NPR3: variants seen among roughly 807,000 people sequenced by gnomAD.
The protein encoded by NPR3 is natriuretic peptide receptor 3, also known as atrial natriuretic peptide receptor 3.
In NPR3, 34 loss-of-function variants were observed where a neutral mutation model predicts 54.5. The observed-to-expected ratio is 0.62, with a 90% CI of 0.47 to 0.83. NPR3 has a LOEUF of 0.83. NPR3 is among the 40% of genes least tolerant of loss of function. The pLI, the probability that NPR3 is intolerant of heterozygous loss-of-function variation, is 0.00. For synonymous variants in NPR3, 289 were observed against 297.1 expected, an observed-to-expected ratio of 0.97 and a Z score of 0.28; for missense variants, 674 against 720.8, an observed-to-expected ratio of 0.94 and a Z score of 0.74.
chr5:32,727,356 G>A (rs1279628779), intron 2 of NPR3, among the ~76,000 whole-genome samples: 1 of 152,144 alleles, frequency 6.6e-6, no homozygotes, highest in African/African-American at 2.4e-5. Flanking sequence ...TCGAACTCCT[G>A]GGCTCAAGTG....
chr5:32,742,036 T>C (rs1740063386), intron 3 of NPR3, among the ~76,000 whole-genome samples: 1 of 151,752 alleles, frequency 6.6e-6, no homozygotes, highest in Non-Finnish European at 1.5e-5. Flanking sequence ...GTCTTTGATC[T>C]AGTGTGGTGC....
Position 32,770,220 on chromosome 5 carries a change from T to G in NPR3, c.1060-4488T>G, listed in dbSNP as rs185580609. 4.6e-3 allele frequency among the ~76,000 whole-genome samples: 701 copies of G among 151,964 alleles called. 4 individuals are homozygous for G. The highest frequency in any genetic ancestry group is 0.016 in the African/African-American group (682 of 41,466). Reference sequence around the variant, plus strand: ...GCTAAGGTGGGCGGGTCACTTGAGCTCTGGTTTGAGATCAGCCTGGGCAAC... The same window carrying G: ...GCTAAGGTGGGCGGGTCACTTGAGCGCTGGTTTGAGATCAGCCTGGGCAAC... On this transcript the variant is annotated intron_variant, in intron 3 of 7. Transcript: ENST00000265074.
upstream of NPR3, chr5:32,709,349 G>A (rs961591150): frequency 6.6e-6 from 1 of 151,952 alleles, no homozygotes; most frequent in Non-Finnish European, 1.5e-5. Flanking sequence ...AACCAGTTTC[G>A]AAATCCATTA....
intron 1 of NPR3, among the ~76,000 whole-genome samples, chr5:32,695,744 A>C (rs1437166201): frequency 6.6e-6 from 1 of 152,166 alleles, no homozygotes; most frequent in African/African-American, 2.4e-5. Context: ...ATCTCATTGT[A>C]GTTTTGATTT....
chr5:32,716,406 T>A, intron 1 of NPR3: 1 of 454,826 alleles, frequency 2.2e-6, no homozygotes, highest in Non-Finnish European at 4.4e-6. Context: ...TCTGTTGGAA[T>A]CCCAGTGGAA....
chr5:32,738,800 A>T (rs896772739), intron 2 of NPR3, 64 bp from the exon 3 acceptor site: 1 of 1,459,598 alleles, frequency 6.9e-7, no homozygotes, highest in Non-Finnish European at 9.4e-7. Context: ...CACAGTTGTG[A>T]AGGGAGAATG....
intron 1 of NPR3, among the ~76,000 whole-genome samples, chr5:32,720,049 A>C (rs1738771890): frequency 6.6e-6 from 1 of 152,190 alleles, no homozygotes; most frequent in Non-Finnish European, 1.5e-5. Context: ...CTATTTCCAA[A>C]AGGGCCTGCT....
intron 1 of NPR3, among the ~76,000 whole-genome samples, chr5:32,718,997 A>ATTAT (rs1165131264): frequency 3.6e-4 from 55 of 152,272 alleles, no homozygotes; most frequent in South Asian, 1.5e-3. Context: ...GTTTGTCATA[A>ATTAT]ATAGCTCTTA....
At chr5:32,712,645 G>T in intron 1 of NPR3, 100 bp downstream of exon 1, 1 of 1,189,548 alleles carries the variant, frequency 8.4e-7, no homozygotes, top group Non-Finnish European at 1.2e-6. Flanking sequence ...TCCCCACTGC[G>T]GCGCTGAGGT....
At chr5:32,762,682 G>GT (rs1317195135) in intron 3 of NPR3, among the ~76,000 whole-genome samples, 1 of 151,878 alleles carries the variant, frequency 6.6e-6, no homozygotes, top group Admixed American at 6.6e-5. Flanking sequence ...GGGGTTGTTT[G>GT]TTTTTTTCTT....
intron 7 of NPR3, among the ~76,000 whole-genome samples, chr5:32,785,481 C>T (rs1004751002): frequency 2.0e-5 from 3 of 152,122 alleles, no homozygotes; most frequent in Admixed American, 1.3e-4. Flanking sequence ...ACAAGAATTC[C>T]TACCACCCAC....
At chr5:32,717,374 G>A (rs971426720) in intron 1 of NPR3, among the ~76,000 whole-genome samples, 1 of 152,122 alleles carries the variant, frequency 6.6e-6, no homozygotes, top group African/African-American at 2.4e-5. Flanking sequence ...ACCCAGTAAT[G>A]GGATTGCTGG....
At chr5:32,713,359 G>A (rs1238883275) in intron 1 of NPR3, 1 of 985,348 alleles carries the variant, frequency 1.0e-6, no homozygotes, top group African/African-American at 1.7e-5. Flanking sequence ...CAAAGAGCTC[G>A]AGGCTGAGGA....
rs185028810 is a variant in NPR3 at position 32,695,757 on chromosome 5, A to C, written c.100+6571A>C. ...ATATCTCATTGTAGTTTTGATTTGC[A>C]TTTCTCTGGTGATCAATGATGTTGA... On this transcript the variant is annotated intron_variant, in intron 1 of 5. Coordinates refer to the NPR3 transcript ENST00000509104. 4.6e-3 allele frequency among the ~76,000 whole-genome samples: 701 copies of C among 152,234 alleles called. 6 individuals carry two copies. The highest frequency in any genetic ancestry group is 0.016 in the African/African-American group (671 of 41,536).
upstream of NPR3, among the ~76,000 whole-genome samples, chr5:32,706,531 T>C (rs1579576005): frequency 6.6e-6 from 1 of 152,346 alleles, no homozygotes; most frequent in East Asian, 1.9e-4. Flanking sequence ...CAAAGAATGG[T>C]AACTTTTGTT....
chr5:32,765,622 C>T lies in NPR3; in HGVS notation c.1060-9086C>T, dbSNP rs539729020. Among the ~76,000 whole-genome samples, 9 of 152,200 alleles carry T rather than the reference C, an allele frequency of 5.9e-5. No homozygotes were observed. The South Asian group carries it at 6.2e-4, about 11-fold the overall frequency. On this transcript the variant is annotated intron_variant, in intron 3 of 7. Coordinates refer to ENST00000265074, the MANE Select transcript of NPR3 (RefSeq NM_001204375.2). The stretch of plus-strand genomic sequence containing the variant: ...TTGTGCAGTATCGGGAACACAGATG[C>T]GCAAAAGTGCAAAATGGACTGGTGA...
chr5:32,708,398 G>C (rs1738053209), upstream of NPR3, among the ~76,000 whole-genome samples: 1 of 151,900 alleles, frequency 6.6e-6, no homozygotes, highest in South Asian at 2.1e-4. Flanking sequence ...ATTACAAAAT[G>C]TTATTTTTGG....
Position 32,698,150 on chromosome 5 carries a change from T to A in NPR3, c.100+8964T>A, listed in dbSNP as rs577416736. Among the ~76,000 whole-genome samples, 3 of 152,236 alleles carry A rather than the reference T, an allele frequency of 2.0e-5. No individual in the cohort carries two copies. In the East Asian group the frequency reaches 5.8e-4, roughly 29 times the overall value. ...TAGCTATAGACTTTCCTCTTAGTACTGCTTTCACTGTATCCCATGGGTTTT... is the reference window on the plus strand; with the variant it reads ...TAGCTATAGACTTTCCTCTTAGTACAGCTTTCACTGTATCCCATGGGTTTT... On this transcript the variant is annotated intron_variant, in intron 1 of 5. Coordinates refer to the NPR3 transcript ENST00000509104.
rs1579583885 is a variant in NPR3, at chr5:32,711,677, C to T, written c.-100C>T. ...TTTTGTTAAAGCGCCCAAGGGGGCG[C>T]AGGGACCTTGGAGAGAAGAGTGGGG... On this transcript the variant is annotated 5_prime_UTR_variant, in exon 1 of 8. Coordinates refer to ENST00000265074, the MANE Select transcript of NPR3 (RefSeq NM_001204375.2). 7.6e-7 allele frequency: 1 copy of T among 1,319,468 alleles called. No individual in the cohort carries two copies. 81.7% of individuals were successfully genotyped at this position (1,319,468 alleles called of 1,614,324 possible).
Sources: gnomAD v4.1 joint callset for allele counts (sites outside exome capture counted in the v4.1 genomes callset) on GRCh38, gnomAD v4.1.1 for gene constraint, MANE v1.5 for transcripts, NCBI Gene and HGNC (gene_info 2026-07-23, HGNC 2026-07-21) for gene names.